The following PIEZO2 variants were observed in gnomAD, a reference collection of about 807,000 sequenced individuals.
PIEZO2 encodes the protein piezo-type mechanosensitive ion channel component 2.
PIEZO2 carries 172 observed loss-of-function variants against 337.3 expected under a neutral mutation model. That is an observed-to-expected ratio of 0.51 (90% CI 0.45 to 0.58). The LOEUF (loss-of-function observed/expected upper bound fraction) is 0.58, where lower values mean the gene tolerates loss of function less well. PIEZO2 is among the 20% of genes least tolerant of loss of function. The probability of loss-of-function intolerance (pLI) is 0.00; values close to 1 mark genes in which losing one functional copy is unlikely to be tolerated. For synonymous variants in PIEZO2, 1,251 were observed against 1,228.5 expected (o/e 1.02, Z -0.38); for missense variants, 3,028 against 3,391.3 (o/e 0.89, Z 2.66).
chr18:10,972,680 G>A (rs1458333306), intron 3 of PIEZO2, among the ~76,000 whole-genome samples: 1 of 152,172 alleles, frequency 6.6e-6, no homozygotes, highest in African/African-American at 2.4e-5. Context: ...CATAGAGAAT[G>A]ATTTGGTACC....
Position 10,962,580 on chromosome 18 carries a change from G to A in PIEZO2, c.286+16955C>T, listed in dbSNP as rs1248021042. ...GGTGACTTTATTTCATGTTGCTCTA[G>A]ACCAGGCATTTTTGCCTCATTCAGC... On this transcript the variant is annotated intron_variant, in intron 3 of 55. Coordinates refer to ENST00000674853, the MANE Select transcript of PIEZO2 (RefSeq NM_001378183.1). The surrounding 1 kb of genome is among the most constrained non-coding windows in gnomAD (Gnocchi z 4.1). Among the ~76,000 whole-genome samples, 1 of 152,138 alleles carries A rather than the reference G, an allele frequency of 6.6e-6. No homozygotes were observed. The highest frequency in any genetic ancestry group is 2.4e-5 in the African/African-American group (1 of 41,438).
Position 11,143,435 on chromosome 18 carries a change from T to C in PIEZO2, c.64+5090A>G, listed in dbSNP as rs1000200901. On this transcript the variant is annotated intron_variant, in intron 1 of 55. Transcript: ENST00000674853. This position sits in a 1 kb window ranked among gnomAD's most constrained non-coding sequence, Gnocchi z 4.9. ...TCACATTAAATAAAGACTACAAAAA[T>C]GGTGCTGAAAAACAAAAGCAAACGT... is the stretch of plus-strand genomic sequence containing the variant. Among the ~76,000 whole-genome samples, 3 of 152,150 alleles carry C rather than the reference T, an allele frequency of 2.0e-5. No individual in the cohort carries two copies. The highest frequency in any genetic ancestry group is 7.2e-5 in the African/African-American group (3 of 41,448).
At chr18:10,978,859 C>T (rs1029834962) in intron 3 of PIEZO2, among the ~76,000 whole-genome samples, 1 of 152,044 alleles carries the variant, frequency 6.6e-6, no homozygotes, top group Non-Finnish European at 1.5e-5. Context: ...TCTGTTTTTT[C>T]AAGTAACAAT....
Position 10,837,557 on chromosome 18 carries a change from C to T in PIEZO2, c.917+17796G>A, listed in dbSNP as rs865789955. On this transcript the variant is annotated intron_variant, in intron 7 of 55. Coordinates refer to ENST00000674853, the MANE Select transcript of PIEZO2 (RefSeq NM_001378183.1). This position sits in a 1 kb window ranked among gnomAD's most constrained non-coding sequence, Gnocchi z 4.4. ...CCACTGGTAGATGGTATCAATATCT[C>T]TTCCCAATCCAAAATTCTATGGTAC... Among the ~76,000 whole-genome samples the T allele has an allele frequency of 2.9e-4, 44 of 152,266 alleles. No homozygotes were observed. The highest frequency in any genetic ancestry group is 1.0e-3 in the African/African-American group (43 of 41,552).
At chr18:11,044,184 CTAATA>C (rs1184008759) in intron 2 of PIEZO2, among the ~76,000 whole-genome samples, 4 of 149,056 alleles carry the variant, frequency 2.7e-5, no homozygotes, top group Non-Finnish European at 4.4e-5. Flanking sequence ...CACACACACA[CTAATA>C]TAATATATAT....
chr18:10,782,615 T>C (rs2039069112), intron 17 of PIEZO2, among the ~76,000 whole-genome samples: 1 of 149,272 alleles, frequency 6.7e-6, no homozygotes. Flanking sequence ...CACTCTTTCC[T>C]CACCCTTTAC....
chr18:10,987,650 G>T (rs1296434910), intron 2 of PIEZO2, among the ~76,000 whole-genome samples: 3 of 151,982 alleles, frequency 2.0e-5, no homozygotes, highest in Non-Finnish European at 2.9e-5. Flanking sequence ...ATGACTTTTT[G>T]GTTATAACAC....
intron 39 of PIEZO2, 138 bp downstream of exon 39, chr18:10,714,626 T>A: frequency 1.1e-6 from 1 of 917,958 alleles, no homozygotes; most frequent in Non-Finnish European, 1.6e-6. Context: ...GTTGTACAGA[T>A]GGCGACAGCT....
rs533436595 is a variant in PIEZO2, at chr18:10,897,872, T to A, written c.329+13314A>T. ...ACATATTTCTAAAGTACGCTTCCTT[T>A]TATACAGGAAATGATTGCTCCATGT... On this transcript the variant is annotated intron_variant, in intron 4 of 55. Transcript: ENST00000674853. 2.6e-5 allele frequency among the ~76,000 whole-genome samples: 4 copies of A among 152,340 alleles called. No individual in the cohort carries two copies. In the South Asian group the frequency reaches 8.3e-4, roughly 32 times the overall value.
chr18:10,935,285 G>T (rs1019137166), intron 3 of PIEZO2, among the ~76,000 whole-genome samples: 1 of 152,168 alleles, frequency 6.6e-6, no homozygotes, highest in Non-Finnish European at 1.5e-5. Flanking sequence ...TTGCCTGGAA[G>T]AAGCCTGAAT....
In PIEZO2 at chr18:10,942,823, A is replaced by G. The variant is rs1243348513; in HGVS notation, c.287-31595T>C. On this transcript the variant is annotated intron_variant, in intron 3 of 55. Coordinates refer to ENST00000674853, the MANE Select transcript of PIEZO2 (RefSeq NM_001378183.1). The surrounding 1 kb of genome is among the most constrained non-coding windows in gnomAD (Gnocchi z 4.4). ...CCATCACAAGCCTGAAGGCCTAGGT[A>G]AAACAAGTGATTTAGTAGGCCAGGC... 6.6e-6 allele frequency among the ~76,000 whole-genome samples: 1 copy of G among 152,168 alleles called. No individual in the cohort carries two copies.
In PIEZO2 at chr18:11,146,980, T is replaced by C. The variant is rs931180728; in HGVS notation, c.64+1545A>G. 3.3e-5 allele frequency among the ~76,000 whole-genome samples: 5 copies of C among 152,172 alleles called. No homozygotes were observed. Among genetic ancestry groups the C allele is most frequent in the Non-Finnish European group, 5.9e-5 (4 of 68,022 alleles). On this transcript the variant is annotated intron_variant, in intron 1 of 55. Coordinates refer to ENST00000674853, the MANE Select transcript of PIEZO2 (RefSeq NM_001378183.1). This position sits in a 1 kb window ranked among gnomAD's most constrained non-coding sequence, Gnocchi z 6.1. ...ACTGAGGACCATAAATCACGCTTCA[T>C]GCTAAAAGCCCTTTGTTAACTCGGT... is the stretch of plus-strand genomic sequence containing the variant.
intron 3 of PIEZO2, among the ~76,000 whole-genome samples, chr18:10,923,749 C>T (rs116801968): frequency 0.012 from 1,783 of 152,286 alleles, 36 homozygotes; most frequent in African/African-American, 0.04. Context: ...TCTCTCAGAA[C>T]TGTAAATGAA....
intron 2 of PIEZO2, among the ~76,000 whole-genome samples, chr18:11,057,730 C>G (rs1405196012): frequency 6.6e-6 from 1 of 152,174 alleles, no homozygotes; most frequent in Non-Finnish European, 1.5e-5. Context: ...TTGATAACTC[C>G]TAAAAGCTGT....
intron 1 of PIEZO2, among the ~76,000 whole-genome samples, chr18:11,075,976 C>T (rs557698468): frequency 3.0e-4 from 46 of 152,038 alleles, no homozygotes; most frequent in South Asian, 1.2e-3. Flanking sequence ...TTAGTAGAGA[C>T]GGGGTTTCAC....
intron 3 of PIEZO2, among the ~76,000 whole-genome samples, chr18:10,956,983 A>AC (rs767426243): frequency 0.45 from 67,365 of 148,292 alleles, 15,762 homozygotes; most frequent in Middle Eastern, 0.5. Context: ...AAAAAAAAAA[A>AC]AAAGAAATCA....
chr18:10,757,870 A>G lies in PIEZO2; in HGVS notation c.3923+99T>C, dbSNP rs7242408. 0.8 allele frequency: 976,112 copies of G among 1,221,406 alleles called. 391,218 individuals are homozygous for G. Among genetic ancestry groups the G allele is most frequent in the East Asian group, 0.9 (35,233 of 39,110 alleles). 75.7% of individuals were successfully genotyped at this position (1,221,406 alleles called of 1,614,324 possible). Reference sequence around the variant, plus strand: ...TTAACTTCAGTGTATACAATTCAGCAGATCTGTTTCCCAAGTATAGCAGAG... The same window carrying G: ...TTAACTTCAGTGTATACAATTCAGCGGATCTGTTTCCCAAGTATAGCAGAG... On this transcript the variant is annotated intron_variant, in intron 27 of 55. Coordinates refer to ENST00000674853, the MANE Select transcript of PIEZO2 (RefSeq NM_001378183.1).
intron 2 of PIEZO2, among the ~76,000 whole-genome samples, chr18:11,011,853 C>T (rs1164290130): frequency 5.3e-5 from 8 of 152,182 alleles, no homozygotes; most frequent in Admixed American, 1.3e-4. Flanking sequence ...CAGTGGCTCA[C>T]GCCTCAAATT....
intron 7 of PIEZO2, among the ~76,000 whole-genome samples, chr18:10,808,547 C>T (rs1598511795): frequency 6.6e-6 from 1 of 152,260 alleles, no homozygotes; most frequent in East Asian, 1.9e-4. Context: ...TATTGATGAA[C>T]ACAGATTTTA....
Sources: gnomAD v4.1 joint callset for allele counts (sites outside exome capture counted in the v4.1 genomes callset) on GRCh38, gnomAD v4.1.1 for gene constraint, Gnocchi (gnomAD v3.1) non-coding constraint, MANE v1.5 for transcripts, NCBI Gene and HGNC (gene_info 2026-07-23, HGNC 2026-07-21) for gene names.